The following CDH23 variants were observed in gnomAD, a reference collection of about 807,000 sequenced individuals.
The protein encoded by CDH23 is cadherin-23.
A neutral mutation model predicts 317.1 loss-of-function variants in CDH23; 189 were observed. The observed-to-expected ratio is 0.60, with a 90% confidence interval of 0.53 to 0.67. CDH23 has a LOEUF of 0.67. Among genes scored for constraint, CDH23 ranks in the 30% least tolerant of loss-of-function variants. The probability of loss-of-function intolerance (pLI) is 0.00; values close to 1 mark genes in which losing one functional copy is unlikely to be tolerated. For synonymous variants in CDH23, 1,839 were observed against 1,876.8 expected (o/e 0.98, Z 0.52); for missense variants, 4,401 against 4,592.4 (o/e 0.96, Z 1.20).
intron 9 of CDH23, among the ~76,000 whole-genome samples, chr10:71,593,825 A>T (rs1187046657): frequency 6.6e-6 from 1 of 152,190 alleles, no homozygotes; most frequent in Non-Finnish European, 1.5e-5. Context: ...TGGGTTTTAA[A>T]TATAACTATT....
intron 1 of CDH23, among the ~76,000 whole-genome samples, chr10:71,427,232 A>AGAAAGAAAGAAAGAAAGG (rs1564572936): frequency 1.2e-5 from 1 of 85,194 alleles, no homozygotes; most frequent in African/African-American, 4.8e-5. Flanking sequence ...AAAGAAAGAA[A>AGAAAGAAAGAAAGAAAGG]GAAAGAAAGA....
intron 3 of CDH23, among the ~76,000 whole-genome samples, chr10:71,469,772 T>A (rs1851423634): frequency 6.6e-6 from 1 of 152,088 alleles, no homozygotes; most frequent in South Asian, 2.1e-4. Flanking sequence ...GCCCAGCTAA[T>A]TTTTGTATTT....
chr10:71,812,408 G>C, intron 66 of CDH23, 72 bp from the exon 67 acceptor site: 1 of 1,608,602 alleles, frequency 6.2e-7, no homozygotes, highest in Non-Finnish European at 8.5e-7. Context: ...CAGGATGTGG[G>C]GTGAGGCTGG....
intron 3 of CDH23, among the ~76,000 whole-genome samples, chr10:71,501,658 G>A (rs1471618708): frequency 6.6e-6 from 1 of 152,190 alleles, no homozygotes; most frequent in Admixed American, 6.5e-5. Context: ...AGGGTGGGAG[G>A]TGGGACCTAA....
At chr10:71,683,842 G>C (rs1864758904) in intron 18 of CDH23, among the ~76,000 whole-genome samples, 1 of 152,090 alleles carries the variant, frequency 6.6e-6, no homozygotes, top group Non-Finnish European at 1.5e-5. Context: ...CAGCACCCTG[G>C]GAGGCTGAGG....
At chr10:71,431,901 C>A (rs1474739811) in intron 1 of CDH23, among the ~76,000 whole-genome samples, 2 of 152,238 alleles carry the variant, frequency 1.3e-5, no homozygotes. Context: ...GGGAGTTAGG[C>A]CCAGAACTGC....
intron 3 of CDH23, among the ~76,000 whole-genome samples, chr10:71,460,973 T>A (rs185857664): frequency 6.6e-6 from 1 of 152,212 alleles, no homozygotes; most frequent in South Asian, 2.1e-4. Flanking sequence ...TGCATATTCC[T>A]TGGGATATCA....
At chr10:71,760,777 G>GA in intron 38 of CDH23, 1 of 1,241,712 alleles carries the variant, frequency 8.1e-7, no homozygotes, top group South Asian at 1.2e-5. Context: ...GGCTTGGGGT[G>GA]ATGAGGCCAG....
chr10:71,680,437 GAGAAATGCCACTGT>G (rs1301789280), intron 17 of CDH23, among the ~76,000 whole-genome samples: 1 of 152,124 alleles, frequency 6.6e-6, no homozygotes, highest in Non-Finnish European at 1.5e-5. Context: ...GTTCAGTTCA[GAGAAATGCCACTGT>G]AGAAATTGCA....
chr10:71,788,417 T>C (rs769155008), intron 44 of CDH23, among the ~76,000 whole-genome samples: 1 of 152,156 alleles, frequency 6.6e-6, no homozygotes, highest in Non-Finnish European at 1.5e-5. Context: ...CTGTGGCTTA[T>C]TGCATTTCTC....
chr10:71,638,316 A>G (rs1564702269), intron 11 of CDH23, among the ~76,000 whole-genome samples: 1 of 152,210 alleles, frequency 6.6e-6, no homozygotes, highest in South Asian at 2.1e-4. Flanking sequence ...GACTGATGGC[A>G]GAGAGAGACA....
chr10:71,641,404 G>A (rs894646771), intron 11 of CDH23, among the ~76,000 whole-genome samples: 5 of 152,180 alleles, frequency 3.3e-5, no homozygotes, highest in African/African-American at 1.2e-4. Context: ...AGCTCAGAGT[G>A]GCTCCGTCTC....
intron 9 of CDH23, among the ~76,000 whole-genome samples, chr10:71,601,397 T>A (rs1860206785): frequency 6.6e-6 from 1 of 152,222 alleles, no homozygotes; most frequent in South Asian, 2.1e-4. Context: ...TATCCTCACA[T>A]CAGCCCTATA....
intron 53 of CDH23, 87 bp from the exon 54 acceptor site, chr10:71,802,811 C>T (rs1394359619): frequency 7.1e-7 from 1 of 1,413,024 alleles, no homozygotes; most frequent in Non-Finnish European, 9.9e-7. Context: ...TGTCCTTCCT[C>T]TATCCAGGCT....
intron 3 of CDH23, among the ~76,000 whole-genome samples, chr10:71,490,027 G>A (rs1326580123): frequency 6.6e-6 from 1 of 151,692 alleles, no homozygotes; most frequent in Non-Finnish European, 1.5e-5. Context: ...GCTTGAGGGG[G>A]GTGTTTCCTA....
At chr10:71,666,124 A>G (rs992802739) in intron 14 of CDH23, among the ~76,000 whole-genome samples, 2 of 152,020 alleles carry the variant, frequency 1.3e-5, no homozygotes, top group Non-Finnish European at 2.9e-5. Flanking sequence ...ACCACTAGTC[A>G]GGTCCCCATC....
At chr10:71,755,458 C>T in intron 38 of CDH23, 1 of 1,611,232 alleles carries the variant, frequency 6.2e-7, no homozygotes, top group Non-Finnish European at 8.5e-7. Flanking sequence ...AGGGCTGCAG[C>T]CGTGATGTCT....
chr10:71,467,789 C>CG (rs1774365668), intron 3 of CDH23, among the ~76,000 whole-genome samples: 1 of 152,168 alleles, frequency 6.6e-6, no homozygotes, highest in African/African-American at 2.4e-5. Flanking sequence ...TTATGTGTAT[C>CG]GGCTCATGTT....
At chr10:71,433,426 A>G (rs1437932722) in intron 1 of CDH23, among the ~76,000 whole-genome samples, 4 of 152,104 alleles carry the variant, frequency 2.6e-5, no homozygotes, top group Admixed American at 6.5e-5. Flanking sequence ...GACAATTTTC[A>G]AAGACGGACT....
Sources: gnomAD v4.1 joint callset for allele counts (sites outside exome capture counted in the v4.1 genomes callset) on GRCh38, gnomAD v4.1.1 for gene constraint, MANE v1.5 for transcripts, NCBI Gene and HGNC (gene_info 2026-07-23, HGNC 2026-07-21) for gene names.